TCTN3: variants seen among roughly 807,000 people sequenced by gnomAD.
TCTN3 encodes tectonic-3.
In TCTN3, 57 loss-of-function variants were observed where a neutral mutation model predicts 71.3. The observed-to-expected ratio is 0.80, with a 90% CI of 0.65 to 1.00. The LOEUF is 1.00. TCTN3 is among the 50% of genes least tolerant of loss of function. TCTN3 has a pLI of 0.00. For synonymous variants in TCTN3, 258 were observed against 267.8 expected, an observed-to-expected ratio of 0.96 and a Z score of 0.36; for missense variants, 696 against 719.9, an observed-to-expected ratio of 0.97 and a Z score of 0.38.
intron 3 of TCTN3, among the ~76,000 whole-genome samples, chr10:95,690,848 T>A (rs2139758459): frequency 6.6e-6 from 1 of 152,262 alleles, no homozygotes; most frequent in South Asian, 2.1e-4. Context: ...TGTGTGTATA[T>A]GTGAGGAAGG....
At chr10:95,684,446 T>C in intron 9 of TCTN3, 53 bp downstream of exon 9, 1 of 1,586,112 alleles carries the variant, frequency 6.3e-7, no homozygotes, top group Non-Finnish European at 8.6e-7. Context: ...AGAAATTATT[T>C]CTAACCCAAT....
chr10:95,679,593 T>C (rs1157202317), intron 13 of TCTN3, among the ~76,000 whole-genome samples: 1 of 92,286 alleles, frequency 1.1e-5, no homozygotes. Flanking sequence ...CTTTTTTTTT[T>C]TTTTTTTTTT....
At chr10:95,665,573 A>C (rs61871796) in intron 13 of TCTN3, among the ~76,000 whole-genome samples, 40,553 of 151,668 alleles carry the variant, frequency 0.27, 6,227 homozygotes, top group Admixed American at 0.38. Context: ...GAGCCACTGC[A>C]CCCGGCCTGG....
chr10:95,689,127 C>T (rs1279280468), intron 3 of TCTN3, among the ~76,000 whole-genome samples: 1 of 152,096 alleles, frequency 6.6e-6, no homozygotes, highest in Non-Finnish European at 1.5e-5. Flanking sequence ...ATGGGGCTCT[C>T]AATTCTGGGG....
At chr10:95,689,198 A>G (rs1173453975) in intron 3 of TCTN3, among the ~76,000 whole-genome samples, 2 of 152,172 alleles carry the variant, frequency 1.3e-5, no homozygotes, top group Non-Finnish European at 2.9e-5. Context: ...AGTGGGGTAC[A>G]CACATTAGTA....
intron 9 of TCTN3, among the ~76,000 whole-genome samples, chr10:95,684,234 T>C (rs1410025510): frequency 1.3e-5 from 2 of 152,114 alleles, no homozygotes; most frequent in Non-Finnish European, 2.9e-5. Flanking sequence ...AAAATGACTA[T>C]AAAAAAAGTT....
At position 95,683,114 on chromosome 10, in the gene TCTN3, C is replaced by T. The variant is rs773447066; in HGVS notation, c.1285G>A (p.Gly429Arg). The change falls in exon 11 of 14, where the codon GGA becomes AGA. Residue 429 changes from glycine (G) to arginine (R), a missense_variant. Coordinates refer to ENST00000371217, the MANE Select transcript of TCTN3 (RefSeq NM_015631.6). ...GCAAAGAACTACCTGAGCTTGCATC[C>T]AGATATTGCATTCACTCCAAACTGC... is the stretch of plus-strand genomic sequence containing the variant. ...EVQFGVNAIS[G>R]CKLRLKKADC... 17 of 1,613,730 alleles carry T rather than the reference C, an allele frequency of 1.1e-5. No individual in the cohort carries two copies. Among genetic ancestry groups the T allele is most frequent in the Non-Finnish European group, 1.4e-5 (17 of 1,179,850 alleles).
At chr10:95,670,282 A>G (rs934618382) in intron 13 of TCTN3, among the ~76,000 whole-genome samples, 7 of 152,196 alleles carry the variant, frequency 4.6e-5, no homozygotes, top group African/African-American at 1.4e-4. Flanking sequence ...AGATACTCCA[A>G]TTAAAAGGAG....
chr10:95,680,358 G>T, intron 13 of TCTN3, 114 bp downstream of exon 13: 1 of 1,137,522 alleles, frequency 8.8e-7, no homozygotes, highest in Non-Finnish European at 1.2e-6. Context: ...AACAAACATT[G>T]GTTGCTAACA....
intron 13 of TCTN3, 33 bp downstream of exon 13, chr10:95,680,439 A>G: frequency 6.4e-7 from 1 of 1,569,388 alleles, no homozygotes; most frequent in Non-Finnish European, 8.6e-7. Context: ...AGGCTTTGCA[A>G]GGTTTAGTGA....
rs2097955917 is a variant in TCTN3 at position 95,693,691 on chromosome 10, A to T, written c.209T>A (p.Leu70His). The T allele has an allele frequency of 6.4e-7, 1 of 1,551,542 alleles. No individual in the cohort carries two copies. The highest frequency in any genetic ancestry group is 2.0e-5 in the Admixed American group (1 of 50,988). Reference sequence around the variant, plus strand: ...ATTCCCAGGGGCCGAGGGAGTCACGAGAGTAGGGACCACTGTAGGGAGTCC... The same window carrying T: ...ATTCCCAGGGGCCGAGGGAGTCACGTGAGTAGGGACCACTGTAGGGAGTCC... ...VPGLPTVVPT[L>H]VTPSAPGNRT... The change falls in exon 1 of 14, where the codon CTC becomes CAC. Residue 70 changes from leucine to histidine, a missense_variant. Coordinates refer to ENST00000371217, the MANE Select transcript of TCTN3 (RefSeq NM_015631.6).
chr10:95,681,918 G>A (rs1342469136), intron 12 of TCTN3, among the ~76,000 whole-genome samples: 3 of 152,136 alleles, frequency 2.0e-5, no homozygotes, highest in African/African-American at 7.2e-5. Flanking sequence ...CTTCAGGCTG[G>A]GAACAGTGGC....
chr10:95,667,205 G>C (rs1350948916), intron 13 of TCTN3, among the ~76,000 whole-genome samples: 1 of 152,002 alleles, frequency 6.6e-6, no homozygotes, highest in Non-Finnish European at 1.5e-5. Flanking sequence ...TTGTTCTTTC[G>C]GAGTCACCCA....
Position 95,687,578 on chromosome 10 carries a change from T to C in TCTN3, c.627+14A>G, listed in dbSNP as rs1161449020. 2 of 1,610,828 alleles carry C rather than the reference T, an allele frequency of 1.2e-6. No homozygotes were observed. ...AACTAAACCAAACAATCCCATCCCC[T>C]TCCCCAGGCTCACCCTGTAAAAAGA... On this transcript the variant is annotated intron_variant, in intron 4 of 13. Coordinates refer to ENST00000371217, the MANE Select transcript of TCTN3 (RefSeq NM_015631.6).
At chr10:95,686,568 T>C in intron 6 of TCTN3, 38 bp from the exon 7 acceptor site, 1 of 1,602,094 alleles carries the variant, frequency 6.2e-7, no homozygotes, top group Non-Finnish European at 8.5e-7. Flanking sequence ...GCATATACCT[T>C]ACCAAAAATC....
Position 95,693,915 on chromosome 10 carries a change from T to G in TCTN3, c.-16A>C. 1 of 1,551,542 alleles carries G rather than the reference T, an allele frequency of 6.4e-7. No individual in the cohort carries two copies. The highest frequency in any genetic ancestry group is 8.7e-7 in the Non-Finnish European group (1 of 1,146,974). The stretch of plus-strand genomic sequence containing the variant: ...GGGTGCGCATGGGGCATTCAGGGCC[T>G]CCGGGTCCGACGTAGGCCTCCGCGG... On this transcript the variant is annotated 5_prime_UTR_variant, in exon 1 of 14. Coordinates refer to ENST00000371217, the MANE Select transcript of TCTN3 (RefSeq NM_015631.6).
chr10:95,669,730 G>T (rs1247460889), intron 13 of TCTN3, among the ~76,000 whole-genome samples: 3 of 152,086 alleles, frequency 2.0e-5, no homozygotes, highest in African/African-American at 7.2e-5. Context: ...CATAATAAGA[G>T]ATTAATAAAT....
rs181107730 is a variant in TCTN3 at position 95,664,305 on chromosome 10, G to C, written c.1591-5C>G. 6 of 1,613,230 alleles carry C rather than the reference G, an allele frequency of 3.7e-6. No individual in the cohort carries two copies. In the East Asian group the frequency reaches 8.9e-5, roughly 24 times the overall value. On this transcript the variant is annotated splice_polypyrimidine_tract_variant and splice_region_variant and intron_variant, in intron 13 of 13. Coordinates refer to ENST00000371217, the MANE Select transcript of TCTN3 (RefSeq NM_015631.6). ...TTCTGTAACTTGCTGAGAATCCTAC[G>C]GGAAGAAAGTCAATGACAGGTCAGC... is the stretch of plus-strand genomic sequence containing the variant.
At chr10:95,666,041 C>T (rs1033395825) in intron 13 of TCTN3, among the ~76,000 whole-genome samples, 2 of 151,490 alleles carry the variant, frequency 1.3e-5, no homozygotes, top group Non-Finnish European at 1.5e-5. Flanking sequence ...CCCAGGTTCA[C>T]GCCATTCTCC....
Sources: gnomAD v4.1 joint callset for allele counts (sites outside exome capture counted in the v4.1 genomes callset) on GRCh38, gnomAD v4.1.1 for gene constraint, MANE v1.5 for transcripts, NCBI Gene and HGNC (gene_info 2026-07-23, HGNC 2026-07-21) for gene names.